The following IQGAP1 variants were observed in gnomAD, a reference collection of about 807,000 sequenced individuals.
IQGAP1 encodes IQ motif containing GTPase activating protein 1.
IQGAP1 carries 66 observed loss-of-function variants against 215.6 expected under a neutral mutation model. That is an observed-to-expected ratio of 0.31 (90% confidence interval 0.25 to 0.38). The LOEUF is 0.38. IQGAP1 is among the 10% of genes least tolerant of loss of function. The pLI, the probability that IQGAP1 is intolerant of heterozygous loss-of-function variation, is 1.00. For synonymous variants in IQGAP1, 772 were observed against 728.7 expected, an observed-to-expected ratio of 1.06 and a Z score of -0.96; for missense variants, 1,712 against 1,997.1, an observed-to-expected ratio of 0.86 and a Z score of 2.72.
chr15:90,395,368 C>T (rs922271081), intron 2 of IQGAP1, among the ~76,000 whole-genome samples: 4 of 151,800 alleles, frequency 2.6e-5, no homozygotes, highest in Non-Finnish European at 5.9e-5. Context: ...TCGCCCGGGC[C>T]AGAGTGCAAT....
Position 90,491,452 on chromosome 15 carries a change from A to G in IQGAP1, c.4368A>G (p.Lys1456=). The G allele has an allele frequency of 3.1e-6, 5 of 1,614,222 alleles. No individual in the cohort carries two copies. Among genetic ancestry groups the G allele is most frequent in the Non-Finnish European group, 3.4e-6 (4 of 1,180,006 alleles). ...EDSNLTLQEK[K]EKIQTGLKKL... is the part of the protein sequence containing the mutation. ...GCAACCTCACTCTTCAAGAGAAGAA[A>G]GAGAAGATCCAGACAGGTTTAAAGA... Residue 1456 remains lysine, a synonymous_variant, in exon 34 of 38, where the codon AAA becomes AAG. Coordinates refer to ENST00000268182, the MANE Select transcript of IQGAP1 (RefSeq NM_003870.4).
intron 2 of IQGAP1, among the ~76,000 whole-genome samples, chr15:90,396,927 A>G (rs1964729529): frequency 1.3e-5 from 2 of 151,774 alleles, no homozygotes; most frequent in South Asian, 2.1e-4. Context: ...ATCTGGGCTC[A>G]CCACAACCTC....
intron 36 of IQGAP1, among the ~76,000 whole-genome samples, chr15:90,496,394 C>T (rs900715040): frequency 1.5e-4 from 21 of 140,278 alleles, no homozygotes; most frequent in African/African-American, 5.6e-4. Context: ...GTATGGTACT[C>T]AGCTCACTAC....
intron 31 of IQGAP1, 46 bp from the exon 32 acceptor site, chr15:90,486,908 T>C: frequency 6.3e-7 from 1 of 1,577,316 alleles, no homozygotes; most frequent in Non-Finnish European, 8.7e-7. Flanking sequence ...CCCCAATATC[T>C]CCTCTCTTTA....
rs200324390 is a variant in IQGAP1, at chr15:90,436,079, C to T, written c.467+2284C>T. 7.2e-3 allele frequency among the ~76,000 whole-genome samples: 806 copies of T among 112,148 alleles called. 9 individuals carry two copies. The highest frequency in any genetic ancestry group is 0.03 in the African/African-American group (767 of 25,250). 73.6% of individuals were successfully genotyped at this position (112,148 alleles called of 152,430 possible). A position where few individuals can be genotyped will look rare whatever the true frequency, so the allele number is the denominator to read the frequency against. On this transcript the variant is annotated intron_variant, in intron 5 of 37. Coordinates refer to ENST00000268182, the MANE Select transcript of IQGAP1 (RefSeq NM_003870.4). ...CCTGCTTGCCTTTTTTTTTTTTTTT[C>T]CTCTAAAGTCTTGATTGGCATTATT...
chr15:90,493,069 C>T (rs530542350), intron 35 of IQGAP1, among the ~76,000 whole-genome samples: 1 of 152,112 alleles, frequency 6.6e-6, no homozygotes, highest in Admixed American at 6.5e-5. Context: ...ATGGTGATAC[C>T]CCATCTCTAC....
chr15:90,389,276 G>C (rs1964599788), intron 1 of IQGAP1, among the ~76,000 whole-genome samples: 1 of 151,628 alleles, frequency 6.6e-6, no homozygotes, highest in Non-Finnish European at 1.5e-5. Flanking sequence ...GAACTTACTA[G>C]CCATACAGAG....
chr15:90,487,206 T>G, intron 32 of IQGAP1, 117 bp downstream of exon 32: 5 of 987,444 alleles, frequency 5.1e-6, no homozygotes, highest in Non-Finnish European at 7.7e-6. Flanking sequence ...GTACTTGTCA[T>G]AATCCCAGTC....
In IQGAP1 at chr15:90,476,886, C is replaced by T. The variant is rs1040497956; in HGVS notation, c.2940+68C>T. On this transcript the variant is annotated intron_variant, in intron 24 of 37. Coordinates refer to ENST00000268182, the MANE Select transcript of IQGAP1 (RefSeq NM_003870.4). ...TTATTTTTCCACAAGAAAGCCTTACCATCGATCTCTCTGGAAGTATTTTTG... is the reference window on the plus strand; with the variant it reads ...TTATTTTTCCACAAGAAAGCCTTACTATCGATCTCTCTGGAAGTATTTTTG... The T allele has an allele frequency of 1.1e-5, 16 of 1,518,362 alleles. No homozygotes were observed. In the African/African-American group the frequency reaches 1.8e-4, roughly 17 times the overall value. 94.1% of individuals were successfully genotyped at this position (1,518,362 alleles called of 1,614,324 possible).
rs762842234 is a variant in IQGAP1, at chr15:90,492,559, G to C, written c.4476G>C (p.Gln1492His). Residue 1492 changes from glutamine to histidine, a missense_variant, in exon 35 of 38, where the codon CAG becomes CAC. By Grantham distance (24) the Gln-to-His change is conservative. Coordinates refer to ENST00000268182, the MANE Select transcript of IQGAP1 (RefSeq NM_003870.4). ...INDIARDIRNQRRYRQRRKAE... is the reference protein window; with the variant it reads ...INDIARDIRNHRRYRQRRKAE... ...TTATGTCTCAGGATATTCGGAATCAGCGGAGGTACCGACAGAGGAGAAAGG... is the reference window on the plus strand; with the variant it reads ...TTATGTCTCAGGATATTCGGAATCACCGGAGGTACCGACAGAGGAGAAAGG... The C allele has an allele frequency of 3.7e-6, 6 of 1,602,632 alleles. No homozygotes were observed. The highest frequency in any genetic ancestry group is 5.1e-6 in the Non-Finnish European group (6 of 1,177,024).
chr15:90,431,852 A>T (rs570932734), intron 4 of IQGAP1, among the ~76,000 whole-genome samples: 2 of 152,284 alleles, frequency 1.3e-5, no homozygotes, highest in South Asian at 2.1e-4. Context: ...TATTATAGAA[A>T]ATTCATGCAG....
intron 2 of IQGAP1, among the ~76,000 whole-genome samples, chr15:90,397,510 CTT>C (rs892748490): frequency 2.8e-5 from 3 of 106,386 alleles, no homozygotes; most frequent in African/African-American, 7.9e-5. Context: ...ACTCAACAAA[CTT>C]TTTTTTTTTT....
intron 2 of IQGAP1, among the ~76,000 whole-genome samples, chr15:90,415,631 T>C (rs1416203464): frequency 6.6e-6 from 1 of 152,224 alleles, no homozygotes; most frequent in Non-Finnish European, 1.5e-5. Flanking sequence ...TTCAGTCATC[T>C]GTGAGATTTC....
At chr15:90,495,607 AATAC>A (rs901783532) in intron 36 of IQGAP1, among the ~76,000 whole-genome samples, 7 of 150,224 alleles carry the variant, frequency 4.7e-5, no homozygotes, top group Non-Finnish European at 7.4e-5. Flanking sequence ...TTTATATATA[AATAC>A]ATATATATAT....
chr15:90,410,240 G>A (rs954872974), intron 2 of IQGAP1, among the ~76,000 whole-genome samples: 24 of 152,066 alleles, frequency 1.6e-4, no homozygotes, highest in Non-Finnish European at 2.6e-4. Context: ...TGTCCTGAAT[G>A]GTATTTCCTA....
At chr15:90,474,210 CTT>C in intron 22 of IQGAP1, 77 bp downstream of exon 22, 2 of 1,295,418 alleles carry the variant, frequency 1.5e-6, no homozygotes, top group Non-Finnish European at 2.1e-6. Context: ...CCACAGACCT[CTT>C]TTGTTATCCT....
chr15:90,434,354 C>T (rs1051582519), intron 5 of IQGAP1, among the ~76,000 whole-genome samples: 3 of 152,072 alleles, frequency 2.0e-5, no homozygotes, highest in South Asian at 2.1e-4. Flanking sequence ...AGGAGAATTG[C>T]TTGAACCCGG....
chr15:90,476,764 C>G lies in IQGAP1; in HGVS notation c.2886C>G (p.Ser962Arg), dbSNP rs1319021984. Residue 962 changes from serine to arginine, a missense_variant, in exon 24 of 38, where the codon AGC (serine) becomes AGG (arginine). Coordinates refer to ENST00000268182, the MANE Select transcript of IQGAP1 (RefSeq NM_003870.4). ...NKQKGGLKAL[S>R]KEKREKLEAY... ...AGAAGGGAGGTCTCAAGGCTTTGAG[C>G]AAGGAGAAGAGAGAGAAGTTGGAAG... 1.2e-6 allele frequency: 2 copies of G among 1,607,722 alleles called. No individual in the cohort carries two copies. Among genetic ancestry groups the G allele is most frequent in the African/African-American group, 2.7e-5 (2 of 74,242 alleles).
At chr15:90,483,662 G>A (rs1482141383) in intron 29 of IQGAP1, 69 bp downstream of exon 29, 2 of 1,153,762 alleles carry the variant, frequency 1.7e-6, no homozygotes, top group East Asian at 4.9e-5. Flanking sequence ...GGAAAAATAA[G>A]ATTAAAAACC....
Sources: gnomAD v4.1 joint callset for allele counts (sites outside exome capture counted in the v4.1 genomes callset) on GRCh38, gnomAD v4.1.1 for gene constraint, MANE v1.5 for transcripts, NCBI Gene and HGNC (gene_info 2026-07-23, HGNC 2026-07-21) for gene names.